The following SORBS2 variants were observed in gnomAD, a reference collection of about 807,000 sequenced individuals.
The protein encoded by SORBS2 is sorbin and SH3 domain-containing protein 2.
In SORBS2, 46 loss-of-function variants were observed where a neutral mutation model predicts 97.7. The ratio of observed to expected loss-of-function variants is 0.47; its 90% CI spans 0.37 to 0.60. SORBS2 has a LOEUF of 0.60. SORBS2 is among the 20% of genes least tolerant of loss of function. SORBS2 has a pLI of 0.00. For synonymous variants in SORBS2, 476 were observed against 473.4 expected (o/e 1.01, Z -0.07); for missense variants, 1,316 against 1,282.3 (o/e 1.03, Z -0.40).
intron 1 of SORBS2, among the ~76,000 whole-genome samples, chr4:185,937,783 G>A (rs1475463866): frequency 6.6e-6 from 1 of 152,168 alleles, no homozygotes; most frequent in Non-Finnish European, 1.5e-5. Context: ...CCTCAGCAGG[G>A]ACCGGCATCC....
intron 1 of SORBS2, among the ~76,000 whole-genome samples, chr4:185,798,065 C>T (rs1185344784): frequency 2.0e-5 from 3 of 152,176 alleles, no homozygotes; most frequent in African/African-American, 7.2e-5. Context: ...TGAACATACG[C>T]AGCCTGGAGA....
chr4:185,828,952 G>T (rs2099203611), intron 1 of SORBS2, among the ~76,000 whole-genome samples: 1 of 152,020 alleles, frequency 6.6e-6, no homozygotes, highest in South Asian at 2.1e-4. Context: ...ACCATTATTG[G>T]TCCCATTGCT....
At chr4:185,612,003 G>A (rs767393534) in intron 11 of SORBS2, 23 bp from the exon 24 acceptor site, 7 of 1,382,812 alleles carry the variant, frequency 5.1e-6, no homozygotes, top group South Asian at 4.7e-5. Flanking sequence ...TGAGAAAAAT[G>A]CATTAGAAAC....
intron 1 of SORBS2, among the ~76,000 whole-genome samples, chr4:185,917,057 A>T (rs7671869): frequency 6.6e-6 from 1 of 151,774 alleles, no homozygotes; most frequent in African/African-American, 2.4e-5. Context: ...TTAATTAATC[A>T]CGCCTATCTA....
At chr4:185,813,478 C>A (rs911227643) in intron 1 of SORBS2, among the ~76,000 whole-genome samples, 1 of 152,236 alleles carries the variant, frequency 6.6e-6, no homozygotes, top group East Asian at 1.9e-4. Flanking sequence ...CGCTTCAGAT[C>A]GCCTCCAGCC....
rs900129442 is a variant in SORBS2 at position 185,946,168 on chromosome 4, G to A, written c.-338+10028C>T. Among the ~76,000 whole-genome samples, 26 of 116,204 alleles carry A rather than the reference G, an allele frequency of 2.2e-4. No individual in the cohort carries two copies. In the Admixed American group the frequency reaches 2.7e-3, roughly 12 times the overall value. 76.2% of individuals were successfully genotyped at this position (116,204 alleles called of 152,430 possible). On this transcript the variant is annotated intron_variant, in intron 1 of 20. Transcript: ENST00000284776. ...TCCCTCAAAGCTTGTTACCACATCCGTACAGCACCCATAGGATGTTGGGGG... is the reference window on the plus strand; with the variant it reads ...TCCCTCAAAGCTTGTTACCACATCCATACAGCACCCATAGGATGTTGGGGG...
Position 185,623,493 on chromosome 4 carries a change from G to A in SORBS2, c.1636C>T (p.His546Tyr), listed in dbSNP as rs767948625. 1 of 1,613,618 alleles carries A rather than the reference G, an allele frequency of 6.2e-7. No homozygotes were observed. The highest frequency in any genetic ancestry group is 2.2e-5 in the East Asian group (1 of 44,874). ...TGGTGGTGGTGGTGGTGATGGTGGT[G>A]GTGGTGGCTGGATCCGTAAAAGCTT... The change falls in exon 7 of 15, where the codon CAC (histidine) becomes TAC (tyrosine). Residue 546 changes from histidine (H) to tyrosine (Y), a missense_variant. His to Tyr is a moderately conservative substitution (Grantham distance 83). Coordinates refer to ENST00000418609, the Ensembl canonical transcript of SORBS2. The surrounding 1 kb of genome is among the most constrained non-coding windows in gnomAD (Gnocchi z 6.4).
chr4:185,867,705 T>C (rs570061116), intron 1 of SORBS2, among the ~76,000 whole-genome samples: 1 of 152,268 alleles, frequency 6.6e-6, no homozygotes, highest in South Asian at 2.1e-4. Flanking sequence ...GACACCGGTC[T>C]AGGCTAGGAT....
rs116171462 is a variant in SORBS2, at chr4:185,849,032, G to T, written c.-337-73666C>A. Among the ~76,000 whole-genome samples, 531 of 152,258 alleles carry T rather than the reference G, an allele frequency of 3.5e-3. 2 individuals are homozygous for T. Among genetic ancestry groups the T allele is most frequent in the African/African-American group, 0.012 (491 of 41,544 alleles). On this transcript the variant is annotated intron_variant, in intron 1 of 20. Transcript: ENST00000284776. ...TGACAGCTGCTAGGTGGTACGAAAA[G>T]GTTGGTTGTTTTGTTTATTTTGGAC...
chr4:185,717,386 G>T (rs1583331271), intron 2 of SORBS2, among the ~76,000 whole-genome samples: 1 of 152,244 alleles, frequency 6.6e-6, no homozygotes, highest in East Asian at 1.9e-4. Flanking sequence ...AGGGAGCCAT[G>T]GATATCTCTG....
chr4:185,918,217 G>A (rs1054470689), intron 1 of SORBS2: 4 of 152,138 alleles, frequency 2.6e-5, no homozygotes, highest in Non-Finnish European at 5.9e-5. Context: ...TCTTATAAAG[G>A]TTGTTTGCAG....
chr4:185,923,251 G>T (rs779016393), intron 1 of SORBS2, among the ~76,000 whole-genome samples: 1 of 152,048 alleles, frequency 6.6e-6, no homozygotes, highest in African/African-American at 2.4e-5. Flanking sequence ...GGAAAAGTAC[G>T]CCCTGCCTCC....
At chr4:185,759,713 C>T (rs1432858526) in intron 2 of SORBS2, among the ~76,000 whole-genome samples, 1 of 151,938 alleles carries the variant, frequency 6.6e-6, no homozygotes, top group African/African-American at 2.4e-5. Context: ...GAATCATCCC[C>T]AGTGATAAAT....
At chr4:185,603,372 T>C (rs2096317254) in intron 12 of SORBS2, among the ~76,000 whole-genome samples, 1 of 151,942 alleles carries the variant, frequency 6.6e-6, no homozygotes, top group Non-Finnish European at 1.5e-5. Flanking sequence ...CATTTCCTAA[T>C]TATTTTCTGC....
At chr4:185,663,054 A>G (rs1021218) in intron 4 of SORBS2, among the ~76,000 whole-genome samples, 18,244 of 152,226 alleles carry the variant, frequency 0.12, 1,205 homozygotes, top group Middle Eastern at 0.2. Flanking sequence ...TTCTGATGGA[A>G]CTGAATCGGC....
At chr4:185,952,822 A>G (rs1459383901) in intron 1 of SORBS2, among the ~76,000 whole-genome samples, 1 of 152,174 alleles carries the variant, frequency 6.6e-6, no homozygotes, top group Non-Finnish European at 1.5e-5. Flanking sequence ...ATTCCCCTTC[A>G]AACCAATAAA....
At chr4:185,657,029 C>T (rs1581978571), upstream of SORBS2, 2 of 685,348 alleles carry the variant, frequency 2.9e-6, no homozygotes, top group Non-Finnish European at 3.7e-6. Context: ...CACATCACTG[C>T]TTTATTCGCA....
chr4:185,697,637 G>A (rs1285621199), intron 2 of SORBS2, among the ~76,000 whole-genome samples: 1 of 152,188 alleles, frequency 6.6e-6, no homozygotes, highest in Non-Finnish European at 1.5e-5. Flanking sequence ...CCCTTTGACA[G>A]CTGATAGCCG....
At chr4:185,652,750 A>G (rs201373788) in intron 1 of SORBS2, 22 bp from the exon 10 acceptor site, 376 of 1,599,976 alleles carry the variant, frequency 2.4e-4, no homozygotes, top group African/African-American at 2.2e-3. Flanking sequence ...AGAGCGTCCA[A>G]TGGTTACAAA....
Sources: allele counts gnomAD v4.1 joint callset (sites outside exome capture counted in the v4.1 genomes callset), GRCh38; gene constraint gnomAD v4.1.1; non-coding constraint Gnocchi (gnomAD v3.1); transcripts MANE v1.5; gene names NCBI Gene and HGNC (gene_info 2026-07-23, HGNC 2026-07-21).